The following CPNE4 variants were observed in gnomAD, a reference collection of about 807,000 sequenced individuals.
The protein encoded by CPNE4 is copine 4, also known as copine-4.
Under a neutral mutation model 67.9 loss-of-function variants are expected in CPNE4, and 25 were observed. The observed-to-expected ratio is 0.37, with a 90% CI of 0.27 to 0.51. The LOEUF is 0.51. Ranked by LOEUF, CPNE4 falls within the 20% of genes least tolerant of loss-of-function variation. CPNE4 has a pLI of 0.93. For synonymous variants in CPNE4, 242 were observed against 244.9 expected (o/e 0.99, Z 0.11); for missense variants, 464 against 690.8 (o/e 0.67, Z 3.68).
chr3:131,952,840 G>T (rs1159529384), intron 1 of CPNE4, among the ~76,000 whole-genome samples: 2 of 152,208 alleles, frequency 1.3e-5, no homozygotes, highest in African/African-American at 2.4e-5. Context: ...TCGGATGGTT[G>T]CCCTGTCTGT....
At chr3:131,899,854 C>T (rs2088483552) in intron 2 of CPNE4, among the ~76,000 whole-genome samples, 1 of 152,066 alleles carries the variant, frequency 6.6e-6, no homozygotes, top group Non-Finnish European at 1.5e-5. Flanking sequence ...TGGTTTAATA[C>T]ATGAAAGGGT....
At chr3:131,932,031 G>C (rs1288798853) in intron 1 of CPNE4, among the ~76,000 whole-genome samples, 1 of 152,192 alleles carries the variant, frequency 6.6e-6, no homozygotes, top group Non-Finnish European at 1.5e-5. Flanking sequence ...AAAAGGCAAT[G>C]TTTCCCATGC....
intron 1 of CPNE4, among the ~76,000 whole-genome samples, chr3:131,943,849 C>T (rs1382573767): frequency 6.6e-6 from 1 of 152,156 alleles, no homozygotes; most frequent in Non-Finnish European, 1.5e-5. Flanking sequence ...TACGCTGTAG[C>T]AATTCTTAAA....
At chr3:131,687,073 A>T (rs562087409) in intron 5 of CPNE4, among the ~76,000 whole-genome samples, 65 of 152,222 alleles carry the variant, frequency 4.3e-4, no homozygotes, top group African/African-American at 1.5e-3. Context: ...TGTCTTAAGC[A>T]CCTCCATGGG....
At chr3:131,711,517 G>C (rs1199129702) in intron 3 of CPNE4, among the ~76,000 whole-genome samples, 1 of 152,170 alleles carries the variant, frequency 6.6e-6, no homozygotes, top group African/African-American at 2.4e-5. Flanking sequence ...AGTGAGGGAA[G>C]CACGAGTAAT....
rs1400473943 is a variant in CPNE4, at chr3:131,581,667, T to C, written c.781-2A>G. 6.2e-7 allele frequency: 1 copy of C among 1,603,718 alleles called. No homozygotes were observed. ...GGGATTGATGCACTCCCACTGCACC[T>C]GAAAGAAGGGTCATAGCATGAGAAT... On this transcript the variant is annotated splice_acceptor_variant, in intron 8 of 15. Coordinates refer to ENST00000429747, the MANE Select transcript of CPNE4 (RefSeq NM_130808.3). LOFTEE classifies it high-confidence loss of function.
intron 2 of CPNE4, among the ~76,000 whole-genome samples, chr3:131,895,176 G>A (rs1481147358): frequency 1.3e-5 from 2 of 151,984 alleles, no homozygotes; most frequent in Non-Finnish European, 2.9e-5. Context: ...TATCATAGAA[G>A]CAGAGAGTAG....
At chr3:131,733,903 A>G (rs1345488975) in intron 2 of CPNE4, among the ~76,000 whole-genome samples, 1 of 152,170 alleles carries the variant, frequency 6.6e-6, no homozygotes, top group Non-Finnish European at 1.5e-5. Flanking sequence ...GATGCTGCAT[A>G]TGCACCCCAG....
intron 10 of CPNE4, among the ~76,000 whole-genome samples, chr3:131,573,766 G>A (rs1937452692): frequency 6.6e-6 from 1 of 152,062 alleles, no homozygotes; most frequent in African/African-American, 2.4e-5. Flanking sequence ...AGAGTTAGAT[G>A]TGTATCCTCA....
At chr3:131,963,349 T>C (rs1271325777) in intron 1 of CPNE4, among the ~76,000 whole-genome samples, 1 of 151,956 alleles carries the variant, frequency 6.6e-6, no homozygotes, top group Non-Finnish European at 1.5e-5. Flanking sequence ...GCAGTTTTTT[T>C]TTTTCATACC....
chr3:131,716,195 G>A (rs929943560), intron 3 of CPNE4, among the ~76,000 whole-genome samples: 1 of 152,096 alleles, frequency 6.6e-6, no homozygotes, highest in Non-Finnish European at 1.5e-5. Context: ...AAGGCTGAGT[G>A]AGAATGTGGC....
chr3:131,712,580 T>C (rs1407542265), intron 3 of CPNE4, among the ~76,000 whole-genome samples: 1 of 152,228 alleles, frequency 6.6e-6, no homozygotes, highest in East Asian at 1.9e-4. Flanking sequence ...GAAATCTAGT[T>C]TTTAGTAAAT....
intron 2 of CPNE4, among the ~76,000 whole-genome samples, chr3:131,736,609 C>G (rs1194409949): frequency 1.3e-5 from 1 of 79,158 alleles, no homozygotes; most frequent in Non-Finnish European, 2.8e-5. Flanking sequence ...GCAAGACTGT[C>G]TCAAAAAAAA....
At chr3:131,792,184 C>T (rs1289214555) in intron 2 of CPNE4, among the ~76,000 whole-genome samples, 1 of 151,782 alleles carries the variant, frequency 6.6e-6, no homozygotes, top group African/African-American at 2.4e-5. Flanking sequence ...TTGCCCCCCT[C>T]TCATATATGT....
chr3:131,702,827 TACTGTATGC>T (rs1400276606), intron 3 of CPNE4, among the ~76,000 whole-genome samples: 2 of 152,224 alleles, frequency 1.3e-5, no homozygotes, highest in Admixed American at 6.5e-5. Flanking sequence ...AAGAAAATGC[TACTGTATGC>T]CAGCTTTTGC....
At chr3:132,037,654 G>A, upstream of CPNE4, 1 of 1,514,244 alleles carries the variant, frequency 6.6e-7, no homozygotes. Flanking sequence ...CTGTGGCCCT[G>A]GTGTTCCCAA....
chr3:131,542,644 G>A lies in CPNE4; in HGVS notation c.1452C>T (p.Asp484=), dbSNP rs1056068580. The change falls in exon 15 of 16, where the codon GAC becomes GAT. Residue 484 remains aspartate, a synonymous_variant. Transcript: ENST00000429747. ...GTGACCTCAGAATCCCATCATCACCGTCCAGCATCTGCATGTCACTGAAGT... is the reference window on the plus strand; with the variant it reads ...GTGACCTCAGAATCCCATCATCACCATCCAGCATCTGCATGTCACTGAAGT... ...NADFSDMQML[D]GDDGILRSPK... is the part of the protein sequence containing the mutation. 1.6e-5 allele frequency: 26 copies of A among 1,613,946 alleles called. No individual in the cohort carries two copies. The highest frequency in any genetic ancestry group is 8.3e-5 in the Admixed American group (5 of 60,004).
intron 1 of CPNE4, among the ~76,000 whole-genome samples, chr3:131,957,870 C>G (rs1357632044): frequency 2.0e-5 from 3 of 152,108 alleles, no homozygotes; most frequent in Non-Finnish European, 4.4e-5. Flanking sequence ...AACCGCAAAG[C>G]CAGAGGTTTG....
At chr3:131,563,274 T>G (rs567047681) in intron 11 of CPNE4, among the ~76,000 whole-genome samples, 1 of 152,212 alleles carries the variant, frequency 6.6e-6, no homozygotes, top group East Asian at 1.9e-4. Context: ...AAGGTCAATT[T>G]GTTGCTGCTC....
Sources: gnomAD v4.1 joint callset for allele counts (sites outside exome capture counted in the v4.1 genomes callset) on GRCh38, gnomAD v4.1.1 for gene constraint, MANE v1.5 for transcripts, NCBI Gene and HGNC (gene_info 2026-07-23, HGNC 2026-07-21) for gene names.